Variants in NFIL3 observed in about 807,000 individuals in gnomAD.
The protein encoded by NFIL3 is nuclear factor, interleukin 3 regulated, also known as nuclear factor interleukin-3-regulated protein.
A neutral mutation model predicts 10.0 loss-of-function variants in NFIL3; 5 were observed. The ratio of observed to expected loss-of-function variants is 0.50; its 90% CI spans 0.26 to 1.06. The LOEUF (loss-of-function observed/expected upper bound fraction) is 1.06. Ranked by LOEUF, NFIL3 falls within the 50% of genes least tolerant of loss-of-function variation. The pLI is 0.13. For synonymous variants in NFIL3, 202 were observed against 206.5 expected (o/e 0.98, Z 0.19); for missense variants, 436 against 547.6 (o/e 0.80, Z 2.03).
chr9:91,450,925 C>T, the NFIL3 span, among the ~76,000 whole-genome samples: 1 of 152,102 alleles, frequency 6.6e-6, no homozygotes, highest in Non-Finnish European at 1.5e-5. Flanking sequence ...TTAATGGTAC[C>T]TAACCAGCTT....
the NFIL3 span, among the ~76,000 whole-genome samples, chr9:91,430,357 T>C: frequency 1.3e-5 from 2 of 152,194 alleles, no homozygotes; most frequent in African/African-American, 4.8e-5. Flanking sequence ...TGATGTCCCA[T>C]GCCTGCTGTA....
In NFIL3 at chr9:91,410,472, T is replaced by C. The variant is rs1223050044; in HGVS notation, c.263A>G (p.Lys88Arg). The change falls in exon 2 of 2, where the codon AAA (lysine) becomes AGA (arginine). Residue 88 changes from lysine (K) to arginine (R), a missense_variant. Physicochemically the swap from Lys to Arg is conservative, Grantham distance 26 (BLOSUM62 2). Transcript: ENST00000297689. This position sits in a 1 kb window ranked among gnomAD's most constrained non-coding sequence, Gnocchi z 5.7. Reference protein sequence around the residue: ...EKRRKNNEAAKRSREKRRLND... With the variant: ...EKRRKNNEAARRSREKRRLND... ...CAGTCGACGCTTCTCACGAGATCTTTTGGCAGCTTCATTATTTTTCCGCCT... is the reference window on the plus strand; with the variant it reads ...CAGTCGACGCTTCTCACGAGATCTTCTGGCAGCTTCATTATTTTTCCGCCT... 2.5e-6 allele frequency: 4 copies of C among 1,614,122 alleles called. No homozygotes were observed.
At chr9:91,433,209 AT>A in the NFIL3 span, among the ~76,000 whole-genome samples, 2 of 152,186 alleles carry the variant, frequency 1.3e-5, no homozygotes, top group African/African-American at 4.8e-5. Flanking sequence ...TAAAAACAAA[AT>A]TTTCCTGCAT....
In NFIL3 at chr9:91,409,172, AAC is replaced by A; in HGVS notation, c.*172_*173del. 2 of 607,750 alleles carry A rather than the reference AAC, an allele frequency of 3.3e-6. No individual in the cohort carries two copies. Among genetic ancestry groups the A allele is most frequent in the Non-Finnish European group, 5.6e-6 (2 of 359,980 alleles). The allele number at this position is 607,750 out of a possible 1,614,324, so 37.6% of individuals were successfully genotyped here. A position where few individuals can be genotyped will look rare whatever the true frequency, so the allele number is the denominator to read the frequency against. Reference sequence around the variant, plus strand: ...TCTGACTATACACAGGCAGAGTGATAACACAATCTAATCTTCATCATAATCTG... The same window carrying A: ...TCTGACTATACACAGGCAGAGTGATAACAATCTAATCTTCATCATAATCTG... On this transcript the variant is annotated 3_prime_UTR_variant, in exon 2 of 2. Coordinates refer to ENST00000297689, the MANE Select transcript of NFIL3 (RefSeq NM_005384.3).
At chr9:91,481,246 A>T in the NFIL3 span, among the ~76,000 whole-genome samples, 3 of 152,094 alleles carry the variant, frequency 2.0e-5, no homozygotes, top group African/African-American at 7.3e-5. Context: ...ATTTTTAAAA[A>T]GTATGTATAC....
the NFIL3 span, among the ~76,000 whole-genome samples, chr9:91,462,522 C>A: frequency 6.6e-6 from 1 of 152,034 alleles, no homozygotes; most frequent in Non-Finnish European, 1.5e-5. Context: ...TTTGAACCAT[C>A]TTTGCATACG....
chr9:91,452,867 A>T, the NFIL3 span, among the ~76,000 whole-genome samples: 25,511 of 150,798 alleles, frequency 0.17, 2,780 homozygotes, highest in East Asian at 0.4. Flanking sequence ...AGGCTGTGTC[A>T]TAGATATATT....
At chr9:91,475,606 T>C in the NFIL3 span, among the ~76,000 whole-genome samples, 3 of 151,948 alleles carry the variant, frequency 2.0e-5, no homozygotes, top group African/African-American at 4.8e-5. Flanking sequence ...AAAAGATTAA[T>C]ACAAAAAATC....
chr9:91,463,388 TTTA>T, the NFIL3 span, among the ~76,000 whole-genome samples: 3 of 151,400 alleles, frequency 2.0e-5, no homozygotes, highest in East Asian at 5.8e-4. Flanking sequence ...AGGTTGTAAT[TTTA>T]TTTATTTCAT....
the NFIL3 span, among the ~76,000 whole-genome samples, chr9:91,451,458 G>A: frequency 6.6e-6 from 1 of 152,076 alleles, no homozygotes; most frequent in Admixed American, 6.5e-5. Context: ...TCACCACTAG[G>A]GCCTCTAGCA....
chr9:91,478,421 T>C, the NFIL3 span, among the ~76,000 whole-genome samples: 1 of 151,980 alleles, frequency 6.6e-6, no homozygotes, highest in Non-Finnish European at 1.5e-5. Flanking sequence ...TCTGATATCC[T>C]TTCTTCTGCT....
At position 91,409,522 on chromosome 9, in the gene NFIL3, CA is replaced by C; in HGVS notation, c.1212del (p.Ser404ArgfsTer15). 1 of 1,613,802 alleles carries C rather than the reference CA, an allele frequency of 6.2e-7. No individual in the cohort carries two copies. The highest frequency in any genetic ancestry group is 8.5e-7 in the Non-Finnish European group (1 of 1,179,866). ...KSEHWHQKEL[S>X]GKTQNSFKTG... The stretch of plus-strand genomic sequence containing the variant: ...GTTTTGAAACTATTCTGAGTTTTGC[CA>C]CTCAGTTCTTTTTGATGCCAGTGCT... On this transcript the variant is annotated frameshift_variant, in exon 2 of 2. Coordinates refer to ENST00000297689, the MANE Select transcript of NFIL3 (RefSeq NM_005384.3). LOFTEE classifies it high-confidence loss of function.
chr9:91,411,716 T>G lies in NFIL3; in HGVS notation c.-172-810A>C, dbSNP rs75816458. ...CCTTTGAATTTGTTCTATCAAACATTCAAGATTGAAGTATCCAAAATGCTT... is the reference window on the plus strand; with the variant it reads ...CCTTTGAATTTGTTCTATCAAACATGCAAGATTGAAGTATCCAAAATGCTT... On this transcript the variant is annotated intron_variant, in intron 1 of 1. Coordinates refer to ENST00000297689, the MANE Select transcript of NFIL3 (RefSeq NM_005384.3). Among the ~76,000 whole-genome samples, 127 of 152,278 alleles carry G rather than the reference T, an allele frequency of 8.3e-4. 1 individual carries two copies. Among genetic ancestry groups the G allele is most frequent in the African/African-American group, 3.0e-3 (123 of 41,568 alleles).
At chr9:91,431,312 A>G in the NFIL3 span, among the ~76,000 whole-genome samples, 5 of 152,240 alleles carry the variant, frequency 3.3e-5, no homozygotes, top group African/African-American at 1.2e-4. Flanking sequence ...AAGTCACGTG[A>G]AACCTTGATG....
At chr9:91,461,751 G>A in the NFIL3 span, among the ~76,000 whole-genome samples, 31 of 152,180 alleles carry the variant, frequency 2.0e-4, no homozygotes, top group East Asian at 3.7e-3. Context: ...CACTTGCATT[G>A]GATTTAGGGC....
chr9:91,482,814 G>A, the NFIL3 span, among the ~76,000 whole-genome samples: 1 of 152,030 alleles, frequency 6.6e-6, no homozygotes, highest in Non-Finnish European at 1.5e-5. Flanking sequence ...CTAACTGAAC[G>A]TTTTAAAAAG....
chr9:91,461,023 G>A, the NFIL3 span, among the ~76,000 whole-genome samples: 14 of 152,272 alleles, frequency 9.2e-5, no homozygotes, highest in East Asian at 9.7e-4. Flanking sequence ...TTTTCATTGG[G>A]AACATCTGAA....
At chr9:91,436,794 G>C in the NFIL3 span, among the ~76,000 whole-genome samples, 1 of 152,176 alleles carries the variant, frequency 6.6e-6, no homozygotes, top group Non-Finnish European at 1.5e-5. Context: ...CCTCTGCCAA[G>C]TAGCCATAAA....
the NFIL3 span, among the ~76,000 whole-genome samples, chr9:91,481,777 G>A: frequency 6.6e-6 from 1 of 152,058 alleles, no homozygotes; most frequent in Non-Finnish European, 1.5e-5. Context: ...CAAATAAAGA[G>A]TTAACATCTA....
Sources: gnomAD v4.1 joint callset for allele counts (sites outside exome capture counted in the v4.1 genomes callset) on GRCh38, gnomAD v4.1.1 for gene constraint, Gnocchi (gnomAD v3.1) non-coding constraint, MANE v1.5 for transcripts, NCBI Gene and HGNC (gene_info 2026-07-23, HGNC 2026-07-21) for gene names.